Variants in CFAP47 observed in about 807,000 individuals in gnomAD.
The protein encoded by CFAP47 is cilia and flagella associated protein 47, also known as cilia- and flagella-associated protein 47.
Under a neutral mutation model 148.1 loss-of-function variants are expected in CFAP47, and 29 were observed. The observed-to-expected ratio is 0.20, with a 90% confidence interval of 0.15 to 0.27. The LOEUF (loss-of-function observed/expected upper bound fraction) is 0.27, where lower values mean the gene tolerates loss of function less well. Ranked by LOEUF, CFAP47 falls within the 10% of genes least tolerant of loss-of-function variation. The pLI is 1.00. For synonymous variants in CFAP47, 664 were observed against 577.3 expected (o/e 1.15, Z -2.15); for missense variants, 1,872 against 1,697.5 (o/e 1.10, Z -1.81).
intron 48 of CFAP47, among the ~76,000 whole-genome samples, chrX:36,249,913 A>G (rs1298288161): frequency 9.0e-6 from 1 of 111,714 alleles, no homozygotes; most frequent in African/African-American, 3.2e-5. Flanking sequence ...GAAAATTCAA[A>G]AACAAGTGTT....
chrX:36,285,888 C>T (rs5973637), intron 51 of CFAP47, among the ~76,000 whole-genome samples, 162 bp downstream of exon 51: 4,313 of 111,525 alleles, frequency 0.039, 237 homozygotes, highest in African/African-American at 0.13. Context: ...TCTAGTACTA[C>T]GGACTTTAAA....
intron 33 of CFAP47, among the ~76,000 whole-genome samples, chrX:36,120,555 T>A (rs1396731356): frequency 9.0e-6 from 1 of 111,626 alleles, no homozygotes; most frequent in Non-Finnish European, 1.9e-5. Flanking sequence ...AGGTTTGGTA[T>A]GTTGTTTCCA....
At chrX:36,336,264 C>G (rs921441348) in intron 57 of CFAP47, among the ~76,000 whole-genome samples, 1 of 104,319 alleles carries the variant, frequency 9.6e-6, no homozygotes, top group South Asian at 4.6e-4. Flanking sequence ...CACACACACA[C>G]ACACACACAC....
chrX:36,133,904 GAAAA>G (rs936138218), intron 33 of CFAP47, among the ~76,000 whole-genome samples: 3 of 108,815 alleles, frequency 2.8e-5, no homozygotes, highest in African/African-American at 1.0e-4. Context: ...CTGTCAAATA[GAAAA>G]TCCCAAACAA....
At chrX:36,029,168 G>C (rs766068438) in intron 22 of CFAP47, among the ~76,000 whole-genome samples, 25 of 110,868 alleles carry the variant, frequency 2.3e-4, no homozygotes, top group African/African-American at 7.5e-4. Context: ...TAGTTTGTGA[G>C]TGTACAGTTG....
chrX:36,099,509 T>A (rs1379960428), intron 31 of CFAP47, among the ~76,000 whole-genome samples: 1 of 106,648 alleles, frequency 9.4e-6, no homozygotes, highest in Non-Finnish European at 1.9e-5. Flanking sequence ...TCGTATCGTG[T>A]TCGGCCACTT....
chrX:36,307,486 G>A (rs1448201539), intron 55 of CFAP47, among the ~76,000 whole-genome samples: 2 of 110,849 alleles, frequency 1.8e-5, no homozygotes, highest in Non-Finnish European at 3.8e-5. Flanking sequence ...CTGAATCCAG[G>A]ATAATCTGGT....
At chrX:36,168,107 G>A (rs1370252664) in intron 39 of CFAP47, among the ~76,000 whole-genome samples, 1 of 111,167 alleles carries the variant, frequency 9.0e-6, no homozygotes, top group African/African-American at 3.3e-5. Flanking sequence ...TGAACCCAAA[G>A]TTTGTCTCTT....
rs762274817 is a variant in CFAP47, at chrX:35,966,643, G to A, written c.1489G>A (p.Ala497Thr). 2 of 1,178,403 alleles carry A rather than the reference G, an allele frequency of 1.7e-6. No individual in the cohort carries two copies. Among genetic ancestry groups the A allele is most frequent in the South Asian group, 3.8e-5 (2 of 52,314 alleles). The change falls in exon 9 of 64, where the codon GCA becomes ACA. Residue 497 changes from alanine (A) to threonine (T), a missense_variant. Coordinates refer to ENST00000378653, the MANE Select transcript of CFAP47 (RefSeq NM_001304548.2). ...GATGATAGAGATTATTGGTTTAGTG[G>A]CAGAAGAAGATTTGCAATCTTTGTC... ...KQMIEIIGLV[A>T]EEDLQSLSVK...
intron 42 of CFAP47, among the ~76,000 whole-genome samples, chrX:36,198,783 CT>C (rs1939945716): frequency 9.0e-6 from 1 of 111,606 alleles, no homozygotes. Flanking sequence ...CATGTCTGGA[CT>C]CCCCCACTTC....
At chrX:36,161,257 A>C (rs760449897) in intron 39 of CFAP47, among the ~76,000 whole-genome samples, 34 of 111,801 alleles carry the variant, frequency 3.0e-4, no homozygotes, top group Non-Finnish European at 6.0e-4. Flanking sequence ...TAATTAAAGT[A>C]AATCAGTTTT....
At chrX:36,110,268 A>G (rs1181730632) in intron 33 of CFAP47, among the ~76,000 whole-genome samples, 1 of 111,741 alleles carries the variant, frequency 8.9e-6, no homozygotes, top group Non-Finnish European at 1.9e-5. Flanking sequence ...ACTTTTTAAT[A>G]CAATTTGGAT....
chrX:36,355,498 A>C (rs1302815390), intron 60 of CFAP47, among the ~76,000 whole-genome samples: 2 of 111,962 alleles, frequency 1.8e-5, no homozygotes, highest in African/African-American at 6.5e-5. Flanking sequence ...TGAATGGATA[A>C]AGAAAATGTA....
At chrX:35,955,862 A>T in intron 7 of CFAP47, 99 bp from the exon 8 acceptor site, 2 of 1,106,829 alleles carry the variant, frequency 1.8e-6, no homozygotes, top group Non-Finnish European at 2.4e-6. Context: ...TGAGCTACCC[A>T]ATTTGCATTA....
At chrX:36,150,288 G>A (rs181831025) in intron 37 of CFAP47, among the ~76,000 whole-genome samples, 92 of 111,930 alleles carry the variant, frequency 8.2e-4, no homozygotes, top group African/African-American at 2.7e-3. Flanking sequence ...CATAATGTGA[G>A]TCTTCCCAGA....
At chrX:36,361,652 C>CA (rs1477931491) in intron 61 of CFAP47, among the ~76,000 whole-genome samples, 151 bp downstream of exon 61, 1 of 111,296 alleles carries the variant, frequency 9.0e-6, no homozygotes, top group African/African-American at 3.3e-5. Context: ...CATCTAGCTA[C>CA]AAAAAATATT....
intron 62 of CFAP47, among the ~76,000 whole-genome samples, chrX:36,371,944 ATG>A (rs1311939064): frequency 1.9e-4 from 18 of 93,147 alleles, no homozygotes; most frequent in African/African-American, 2.7e-4. Context: ...ACATGTGTAT[ATG>A]TGTGTGTATA....
At chrX:36,303,190 T>C (rs1556008127) in intron 53 of CFAP47, among the ~76,000 whole-genome samples, 3 of 111,314 alleles carry the variant, frequency 2.7e-5, no homozygotes, top group African/African-American at 9.8e-5. Flanking sequence ...TCTTCTTCTT[T>C]TTTTCTATGT....
intron 30 of CFAP47, among the ~76,000 whole-genome samples, chrX:36,096,951 G>A (rs1938289109): frequency 9.1e-6 from 1 of 110,400 alleles, no homozygotes; most frequent in African/African-American, 3.3e-5. Flanking sequence ...ATTTTCTCTG[G>A]TAATGTGATT....
Sources: gnomAD v4.1 joint callset for allele counts (sites outside exome capture counted in the v4.1 genomes callset) on GRCh38, gnomAD v4.1.1 for gene constraint, MANE v1.5 for transcripts, NCBI Gene and HGNC (gene_info 2026-07-23, HGNC 2026-07-21) for gene names.